Variants in SNTG1 observed in about 807,000 individuals in gnomAD.
The protein encoded by SNTG1 is gamma-1-syntrophin.
A neutral mutation model predicts 74.7 loss-of-function variants in SNTG1; 39 were observed. The ratio of observed to expected loss-of-function variants is 0.52; its 90% CI spans 0.40 to 0.68. SNTG1 has a LOEUF of 0.68. SNTG1 is among the 30% of genes least tolerant of loss of function. The pLI, the probability that SNTG1 is intolerant of heterozygous loss-of-function variation, is 0.00. For missense variants in SNTG1, 685 were observed against 609.5 expected (o/e 1.12, Z -1.30); for synonymous variants, 254 against 217.1 (o/e 1.17, Z -1.49).
At chr8:50,737,482 A>G (rs2095531861) in intron 17 of SNTG1, among the ~76,000 whole-genome samples, 1 of 152,184 alleles carries the variant, frequency 6.6e-6, no homozygotes, top group African/African-American at 2.4e-5. Flanking sequence ...CCAGAGTTAC[A>G]AAGAGGATCT....
At chr8:50,651,826 C>G (rs2095148611) in intron 13 of SNTG1, among the ~76,000 whole-genome samples, 1 of 151,886 alleles carries the variant, frequency 6.6e-6, no homozygotes, top group Non-Finnish European at 1.5e-5. Flanking sequence ...GTTGCCCAGG[C>G]TGGAGTGCAA....
chr8:50,696,841 C>A (rs770276798), intron 15 of SNTG1, among the ~76,000 whole-genome samples: 1 of 152,046 alleles, frequency 6.6e-6, no homozygotes, highest in Admixed American at 6.6e-5. Flanking sequence ...ATTTTGCTTA[C>A]TATAGACATC....
chr8:50,220,652 G>T (rs2131985100), intron 2 of SNTG1, among the ~76,000 whole-genome samples: 1 of 152,270 alleles, frequency 6.6e-6, no homozygotes, highest in East Asian at 1.9e-4. Flanking sequence ...GCTCCTTTAG[G>T]GTGTCTGTGG....
At chr8:50,698,155 T>A (rs2095411513) in intron 15 of SNTG1, among the ~76,000 whole-genome samples, 1 of 152,186 alleles carries the variant, frequency 6.6e-6, no homozygotes, top group Admixed American at 6.5e-5. Flanking sequence ...ATGGTTTTTA[T>A]TTCTTCCTGA....
chr8:50,198,383 T>A (rs2083860199), intron 2 of SNTG1, among the ~76,000 whole-genome samples: 1 of 152,206 alleles, frequency 6.6e-6, no homozygotes, highest in African/African-American at 2.4e-5. Flanking sequence ...TGCTGATTAT[T>A]TCTCTGGAAA....
rs1483197402 is a variant in SNTG1, at chr8:50,593,100, A to AG, written c.849+2183_849+2184insG. On this transcript the variant is annotated intron_variant, in intron 13 of 18. Coordinates refer to ENST00000642720, the MANE Select transcript of SNTG1 (RefSeq NM_018967.5). ...CATATTCCTGATGTTCTAGGTATCA[A>AG]AACAGAAATTAAAAGTCACCCAAGC... Among the ~76,000 whole-genome samples the AG allele has an allele frequency of 4.2e-3, 644 of 152,318 alleles. 9 individuals carry two copies. The highest frequency in any genetic ancestry group is 0.014 in the African/African-American group (582 of 41,574).
chr8:50,259,438 G>T (rs1480753268), intron 2 of SNTG1, among the ~76,000 whole-genome samples: 1 of 150,566 alleles, frequency 6.6e-6, no homozygotes, highest in Non-Finnish European at 1.5e-5. Flanking sequence ...GGTGGAGGTG[G>T]CAGGGAGCCA....
chr8:49,929,478 G>T (rs939685840), intron 1 of SNTG1, among the ~76,000 whole-genome samples: 2 of 152,156 alleles, frequency 1.3e-5, no homozygotes, highest in Non-Finnish European at 2.9e-5. Context: ...GCAACTTTCT[G>T]GGCTGTGAAA....
At chr8:50,621,030 T>G (rs1440689236) in intron 13 of SNTG1, among the ~76,000 whole-genome samples, 2 of 151,314 alleles carry the variant, frequency 1.3e-5, no homozygotes, top group Non-Finnish European at 2.9e-5. Flanking sequence ...GAAACACATA[T>G]AGTTATGCAG....
chr8:50,140,170 G>T (rs1400885630), intron 1 of SNTG1, among the ~76,000 whole-genome samples: 2 of 152,196 alleles, frequency 1.3e-5, no homozygotes, highest in Non-Finnish European at 2.9e-5. Context: ...TCTGTGTGAT[G>T]CTGGAAATCA....
chr8:50,696,799 CTATT>C (rs2095406802), intron 15 of SNTG1, among the ~76,000 whole-genome samples: 1 of 151,990 alleles, frequency 6.6e-6, no homozygotes, highest in African/African-American at 2.4e-5. Context: ...TTCCATTGAT[CTATT>C]TGTCTGTTTT....
intron 5 of SNTG1, among the ~76,000 whole-genome samples, chr8:50,446,283 C>T (rs1397078332): frequency 1.3e-5 from 2 of 151,702 alleles, no homozygotes; most frequent in Admixed American, 6.6e-5. Flanking sequence ...CCAATTTTAT[C>T]TTCTGAGTTT....
At chr8:50,532,033 C>A (rs1282322882) in intron 10 of SNTG1, among the ~76,000 whole-genome samples, 2 of 152,062 alleles carry the variant, frequency 1.3e-5, no homozygotes, top group Admixed American at 1.3e-4. Context: ...TCTATAACAT[C>A]CCAAATAAAT....
At chr8:50,094,055 T>C (rs968870592) in intron 1 of SNTG1, among the ~76,000 whole-genome samples, 2 of 152,182 alleles carry the variant, frequency 1.3e-5, no homozygotes, top group Non-Finnish European at 2.9e-5. Flanking sequence ...TGAGGCAGTA[T>C]GCGGCTTGAA....
At chr8:50,518,489 A>C (rs1468140354) in intron 9 of SNTG1, among the ~76,000 whole-genome samples, 1 of 152,202 alleles carries the variant, frequency 6.6e-6, no homozygotes. Context: ...AGACTCAAAA[A>C]AACCTTCAAA....
chr8:50,222,729 C>A (rs2085132414), intron 2 of SNTG1, among the ~76,000 whole-genome samples: 1 of 152,076 alleles, frequency 6.6e-6, no homozygotes, highest in African/African-American at 2.4e-5. Context: ...TGCAGACAGA[C>A]CCTCAGCGGG....
intron 1 of SNTG1, among the ~76,000 whole-genome samples, chr8:49,964,661 A>G (rs1187307660): frequency 6.6e-6 from 1 of 152,126 alleles, no homozygotes; most frequent in African/African-American, 2.4e-5. Context: ...CGTTCTACTC[A>G]CTTTCACCTT....
chr8:50,405,224 G>A (rs200861828), intron 4 of SNTG1, among the ~76,000 whole-genome samples: 21 of 151,958 alleles, frequency 1.4e-4, no homozygotes, highest in Admixed American at 2.6e-4. Context: ...AGAAACTGCC[G>A]TACTCTTTTC....
chr8:50,496,850 C>A (rs1441671772), intron 8 of SNTG1, among the ~76,000 whole-genome samples: 1 of 151,738 alleles, frequency 6.6e-6, no homozygotes. Context: ...AAAAGGACAA[C>A]TGGATTTATT....
Sources: gnomAD v4.1 joint callset for allele counts (sites outside exome capture counted in the v4.1 genomes callset) on GRCh38, gnomAD v4.1.1 for gene constraint, MANE v1.5 for transcripts, NCBI Gene and HGNC (gene_info 2026-07-23, HGNC 2026-07-21) for gene names.